The following CYTH2 variants were observed in gnomAD, a reference collection of about 807,000 sequenced individuals.
The protein encoded by CYTH2 is cytohesin 2.
CYTH2 carries 24 observed loss-of-function variants against 55.4 expected under a neutral mutation model. The observed-to-expected ratio is 0.43, with a 90% CI of 0.31 to 0.61. The LOEUF is 0.61. Ranked by LOEUF, CYTH2 falls within the 20% of genes least tolerant of loss-of-function variation. The pLI, the probability that CYTH2 is intolerant of heterozygous loss-of-function variation, is 0.08. For missense variants in CYTH2, 378 were observed against 533.5 expected (o/e 0.71, Z 2.87); for synonymous variants, 221 against 209.6 (o/e 1.05, Z -0.47).
rs761658372 is a variant in CYTH2 at position 48,478,106 on chromosome 19, C to T, written c.846C>T (p.Ile282=). 6.2e-6 allele frequency: 10 copies of T among 1,614,042 alleles called. No homozygotes were observed. The Admixed American group carries it at 8.3e-5, about 13-fold the overall frequency. The change falls in exon 9 of 12, where the codon ATC becomes ATT. Residue 282 remains isoleucine, a synonymous_variant. Coordinates refer to ENST00000452733, the MANE Select transcript of CYTH2 (RefSeq NM_004228.7). The part of the protein sequence containing the change: ...RVKTWKRRWF[I]LTDNCLYYFE... The stretch of plus-strand genomic sequence containing the variant: ...AGACGTGGAAGCGGCGCTGGTTTAT[C>T]CTCACAGACAACTGCCTCTACTACT...
At chr19:48,475,122 T>G in intron 8 of CYTH2, 173 bp downstream of exon 8, 46 of 584,522 alleles carry the variant, frequency 7.9e-5, no homozygotes, top group East Asian at 9.0e-5. Context: ...ATCAGGCCTG[T>G]GTGCTGGGCC....
At chr19:48,477,399 G>C (rs1451955515) in intron 8 of CYTH2, 2 of 153,284 alleles carry the variant, frequency 1.3e-5, no homozygotes, top group Admixed American at 6.5e-5. Flanking sequence ...AGACCCTAGG[G>C]GGTAGGCTGG....
chr19:48,474,155 C>A lies in CYTH2; in HGVS notation c.548-27C>A. 1 of 1,561,782 alleles carries A rather than the reference C, an allele frequency of 6.4e-7. No individual in the cohort carries two copies. The highest frequency in any genetic ancestry group is 1.2e-5 in the South Asian group (1 of 82,422). ...GCACTGGGGACTGACATGCCTGGGT[C>A]GTCACCACCTGCCCTGTCCGGTGCA... On this transcript the variant is annotated intron_variant, in intron 6 of 11. Transcript: ENST00000452733. The surrounding 1 kb of genome is among the most constrained non-coding windows in gnomAD (Gnocchi z 4.9).
At chr19:48,475,034 G>C in intron 8 of CYTH2, 85 bp downstream of exon 8, 1 of 1,227,746 alleles carries the variant, frequency 8.1e-7, no homozygotes, top group Non-Finnish European at 1.2e-6. Context: ...GCACACACCT[G>C]CTGCCTGAAC....
In CYTH2 at chr19:48,479,105, A is replaced by AC; in HGVS notation, c.1113-14dup. On this transcript the variant is annotated splice_polypyrimidine_tract_variant and intron_variant, in intron 11 of 11. Coordinates refer to ENST00000452733, the MANE Select transcript of CYTH2 (RefSeq NM_004228.7). ...TGGACTCCTTGGCCCTCATCCTGGG[A>AC]CCCCTCCCCTTCTGCAGGGCGGCTG... The AC allele has an allele frequency of 1.2e-6, 2 of 1,613,390 alleles. No individual in the cohort carries two copies. The highest frequency in any genetic ancestry group is 2.2e-5 in the East Asian group (1 of 44,850).
At position 48,480,980 on chromosome 19, in the gene CYTH2, G is replaced by C. The variant is rs994166321; in HGVS notation, c.*1770G>C. The stretch of plus-strand genomic sequence containing the variant: ...GCAGAGGCAGGCGGCCGGTCGCGTG[G>C]GGCCTGGGCCGCCCCAGGAGGGCCT... On this transcript the variant is annotated 3_prime_UTR_variant, in exon 12 of 12. Transcript: ENST00000452733. 6.6e-6 allele frequency: 1 copy of C among 152,172 alleles called. No homozygotes were observed. The highest frequency in any genetic ancestry group is 1.9e-4 in the East Asian group (1 of 5,190). The allele number at this position is 152,172 out of a possible 1,614,324, so 9.4% of individuals were successfully genotyped here.
Position 48,470,638 on chromosome 19 carries a change from G to T in CYTH2, c.203G>T (p.Gly68Val), listed in dbSNP as rs1971774777. Reference sequence around the variant, plus strand: ...CAACGGAACCGGAAGATGGCAATGGGCAGGAAGAAGTTCAACATGGACCCC... The same window carrying T: ...CAACGGAACCGGAAGATGGCAATGGTCAGGAAGAAGTTCAACATGGACCCC... Reference protein sequence around the residue: ...TLQRNRKMAMGRKKFNMDPKK... With the variant: ...TLQRNRKMAMVRKKFNMDPKK... The change falls in exon 3 of 12, where the codon GGC becomes GTC. Residue 68 changes from glycine (G) to valine (V), a missense_variant. Transcript: ENST00000452733. The T allele has an allele frequency of 6.2e-7, 1 of 1,614,122 alleles. No homozygotes were observed. The highest frequency in any genetic ancestry group is 1.3e-5 in the African/African-American group (1 of 74,934).
chr19:48,473,015 G>A lies in CYTH2; in HGVS notation c.354-283G>A. On this transcript the variant is annotated intron_variant, in intron 4 of 11. Transcript: ENST00000452733. ...CCTGGGGAGCATGGGGATCATTTGA[G>A]AGAGGTGACAGTAGGTAGCATACAT... 3 of 400,556 alleles carry A rather than the reference G, an allele frequency of 7.5e-6. No homozygotes were observed. The South Asian group carries it at 8.2e-5, about 11-fold the overall frequency. The allele number at this position is 400,556 out of a possible 1,614,324, so 24.8% of individuals were successfully genotyped here. A position where few individuals can be genotyped will look rare whatever the true frequency, so the allele number is the denominator to read the frequency against.
intron 5 of CYTH2, chr19:48,473,685 G>C (rs938773238): frequency 6.7e-6 from 4 of 598,356 alleles, no homozygotes; most frequent in Non-Finnish European, 1.2e-5. Context: ...CCCCAGACCT[G>C]TCTAGCGAAC....
chr19:48,481,497 T>TTC lies in CYTH2; in HGVS notation c.*2288_*2289insCT. On this transcript the variant is annotated 3_prime_UTR_variant, in exon 12 of 12. Coordinates refer to ENST00000452733, the MANE Select transcript of CYTH2 (RefSeq NM_004228.7). ...CTTCTGATTTTTTTTGTAGGTTTTT[T>TTC]TTTTTGTTTTTTGTTTTGTTTTGTT... 5.4e-6 allele frequency: 1 copy of TTC among 186,490 alleles called. No individual in the cohort carries two copies. Among genetic ancestry groups the TTC allele is most frequent in the Non-Finnish European group, 1.1e-5 (1 of 89,868 alleles). The allele number at this position is 186,490 out of a possible 1,614,324, so 11.6% of individuals were successfully genotyped here.
rs1378188549 is a variant in CYTH2 at position 48,482,189 on chromosome 19, TCTTC to T, written c.*2983_*2986del. Reference sequence around the variant, plus strand: ...CATCAGAATCTGAGCCAAATCAACCTCTTCCTTTATAAAGACCCAGCCTCAGGTC... The same window carrying T: ...CATCAGAATCTGAGCCAAATCAACCTCTTTATAAAGACCCAGCCTCAGGTC... On this transcript the variant is annotated 3_prime_UTR_variant, in exon 12 of 12. Transcript: ENST00000452733. 6.6e-6 allele frequency: 1 copy of T among 152,062 alleles called. No individual in the cohort carries two copies. The highest frequency in any genetic ancestry group is 2.4e-5 in the African/African-American group (1 of 41,356). The allele number at this position is 152,062 out of a possible 1,614,324, so 9.4% of individuals were successfully genotyped here. A position where few individuals can be genotyped will look rare whatever the true frequency, so the allele number is the denominator to read the frequency against.
chr19:48,479,218 C>A lies in CYTH2; in HGVS notation c.*8C>A, dbSNP rs772720925. 3 of 1,613,942 alleles carry A rather than the reference C, an allele frequency of 1.9e-6. No homozygotes were observed. The highest frequency in any genetic ancestry group is 3.3e-5 in the Admixed American group (2 of 60,008). On this transcript the variant is annotated 3_prime_UTR_variant, in exon 12 of 12. Transcript: ENST00000452733. ...AAGCAGGAGCAGCCCTGACCCCCTG[C>A]CCCCAACTCCATTATTTATTACGGA...
Position 48,479,170 on chromosome 19 carries a change from A to G in CYTH2, c.1160A>G (p.Lys387Arg), listed in dbSNP as rs754002279. The change falls in exon 12 of 12, where the codon AAG (lysine) becomes AGG (arginine). Residue 387 changes from lysine (K) to arginine (R), a missense_variant. Lys to Arg is a conservative substitution (Grantham distance 26). Coordinates refer to ENST00000452733, the MANE Select transcript of CYTH2 (RefSeq NM_004228.7). Reference protein sequence around the residue: ...DPFYEMLAARKKRISVKKKQE... With the variant: ...DPFYEMLAARRKRISVKKKQE... ...TTCTATGAGATGCTGGCAGCGAGAAAGAAGCGGATTTCAGTCAAGAAGAAG... is the reference window on the plus strand; with the variant it reads ...TTCTATGAGATGCTGGCAGCGAGAAGGAAGCGGATTTCAGTCAAGAAGAAG... 6.2e-7 allele frequency: 1 copy of G among 1,614,060 alleles called. No homozygotes were observed. The highest frequency in any genetic ancestry group is 1.1e-5 in the South Asian group (1 of 91,090).
At chr19:48,475,327 A>C (rs1971889340) in intron 8 of CYTH2, 1 of 194,926 alleles carries the variant, frequency 5.1e-6, no homozygotes, top group Non-Finnish European at 1.0e-5. Context: ...CCTGGAATCT[A>C]TTCCCCTTGG....
chr19:48,469,670 C>T, intron 1 of CYTH2, 144 bp downstream of exon 1: 5 of 1,257,940 alleles, frequency 4.0e-6, no homozygotes, highest in South Asian at 1.7e-5. Context: ...TTGTTGGGCG[C>T]TGGACGGGCT....
rs920251408 is a variant in CYTH2 at position 48,474,266 on chromosome 19, A to C, written c.632A>C (p.Glu211Ala). 6.2e-7 allele frequency: 1 copy of C among 1,613,458 alleles called. No homozygotes were observed. The highest frequency in any genetic ancestry group is 8.5e-7 in the Non-Finnish European group (1 of 1,179,764). Residue 211 changes from glutamate (E) to alanine (A), a missense_variant, in exon 7 of 12, where the codon GAG becomes GCG. Physicochemically the swap from Glu to Ala is moderately radical, Grantham distance 107. Transcript: ENST00000452733. This position sits in a 1 kb window ranked among gnomAD's most constrained non-coding sequence, Gnocchi z 4.9. ...AATGTCCGGGACAAGCCGGGCCTGG[A>C]GCGCTTTGTGGCCATGAACCGGGGC... Reference protein sequence around the residue: ...NPNVRDKPGLERFVAMNRGIN... With the variant: ...NPNVRDKPGLARFVAMNRGIN...
At chr19:48,472,598 T>C (rs983591652) in intron 4 of CYTH2, 155 bp downstream of exon 4, 3 of 728,140 alleles carry the variant, frequency 4.1e-6, no homozygotes, top group Non-Finnish European at 7.3e-6. Flanking sequence ...TGTGACAGAA[T>C]GGACTGACAT....
chr19:48,476,938 C>A (rs999614659), intron 8 of CYTH2: 4 of 152,360 alleles, frequency 2.6e-5, no homozygotes, highest in Admixed American at 1.3e-4. Context: ...CCCAGAGGCT[C>A]ACGCCTCAGT....
rs148173211 is a variant in CYTH2 at position 48,473,989 on chromosome 19, G to T, written c.519G>T (p.Leu173=). The change falls in exon 6 of 12, where the codon CTG becomes CTT. Residue 173 remains leucine (L), a synonymous_variant. Transcript: ENST00000452733. ...AGGCCTTCGCCCAGCGATACTGCCT[G>T]TGCAACCCTGGGGTTTTCCAGTCCA... ...MMEAFAQRYC[L]CNPGVFQSTD... 3.1e-6 allele frequency: 5 copies of T among 1,613,216 alleles called. No homozygotes were observed. Among genetic ancestry groups the T allele is most frequent in the African/African-American group, 2.7e-5 (2 of 74,890 alleles).
Sources: gnomAD v4.1 joint callset for allele counts on GRCh38, gnomAD v4.1.1 for gene constraint, Gnocchi (gnomAD v3.1) non-coding constraint, MANE v1.5 for transcripts, NCBI Gene and HGNC (gene_info 2026-07-23, HGNC 2026-07-21) for gene names.